The following ABCA9 variants were observed in gnomAD, a reference collection of about 807,000 sequenced individuals.
ABCA9 encodes the protein ATP-binding cassette sub-family A member 9.
A neutral mutation model predicts 205.3 loss-of-function variants in ABCA9; 183 were observed. The ratio of observed to expected loss-of-function variants is 0.89; its 90% CI spans 0.79 to 1.01. The LOEUF (loss-of-function observed/expected upper bound fraction) is 1.01. Ranked by LOEUF, ABCA9 falls within the 50% of genes least tolerant of loss-of-function variation. The pLI is 0.00. For missense variants in ABCA9, 1,805 were observed against 1,912.4 expected (o/e 0.94, Z 1.05); for synonymous variants, 651 against 683.3 (o/e 0.95, Z 0.74).
Position 69,045,269 on chromosome 17 carries a change from G to A in ABCA9, c.372C>T (p.Asp124=), listed in dbSNP as rs141903821. The change falls in exon 4 of 39, where the codon GAC becomes GAT. Residue 124 remains aspartate, a synonymous_variant. Transcript: ENST00000340001. ...TATCAGTAAAGATGACTCTCACTGC[G>A]TCTATTGAATAGTTCAAATCCAATT... The part of the protein sequence containing the change: ...MDELDLNYSI[D]AVRVIFTDTF... The A allele has an allele frequency of 3.6e-4, 588 of 1,612,758 alleles. 2 individuals are homozygous for A. The African/African-American group carries it at 5.7e-3, about 16-fold the overall frequency.
At chr17:68,990,206 A>G (rs1217677771) in intron 29 of ABCA9, among the ~76,000 whole-genome samples, 1 of 152,212 alleles carries the variant, frequency 6.6e-6, no homozygotes, top group Non-Finnish European at 1.5e-5. Flanking sequence ...ATAAACAATC[A>G]TGCACACAAA....
chr17:69,049,262 A>G (rs769997806), intron 3 of ABCA9, 21 bp downstream of exon 3: 41 of 1,553,474 alleles, frequency 2.6e-5, no homozygotes, highest in Non-Finnish European at 3.4e-5. Context: ...GGAAATTACT[A>G]TGAACAACCA....
intron 22 of ABCA9, 126 bp downstream of exon 22, chr17:69,016,121 TATACAC>T (rs774274563): frequency 6.0e-3 from 1,415 of 237,184 alleles, no homozygotes; most frequent in East Asian, 8.9e-3. Flanking sequence ...TATATATATA[TATACAC>T]ACACACACAC....
At chr17:69,055,944 A>G (rs1348777601) in intron 1 of ABCA9, among the ~76,000 whole-genome samples, 1 of 152,204 alleles carries the variant, frequency 6.6e-6, no homozygotes, top group Non-Finnish European at 1.5e-5. Flanking sequence ...CTAATGACAA[A>G]TTAAAACTTA....
intron 25 of ABCA9, among the ~76,000 whole-genome samples, chr17:69,000,727 AT>A: frequency 6.6e-6 from 1 of 151,538 alleles, no homozygotes; most frequent in Non-Finnish European, 1.5e-5. Context: ...CAGTATGGCC[AT>A]TTTCACAATA....
the ABCA9 span, among the ~76,000 whole-genome samples, chr17:69,072,137 G>A: frequency 6.6e-6 from 1 of 152,186 alleles, no homozygotes; most frequent in Non-Finnish European, 1.5e-5. Flanking sequence ...ACCTGAAAGT[G>A]ACGGGGAGAA....
chr17:68,988,907 CTTCTT>C, intron 31 of ABCA9, 115 bp downstream of exon 31: 1 of 602,528 alleles, frequency 1.7e-6, no homozygotes. Flanking sequence ...TTTAATCAAT[CTTCTT>C]TATTCAATGC....
intron 1 of ABCA9, among the ~76,000 whole-genome samples, chr17:69,053,914 G>C (rs1328668371): frequency 1.3e-5 from 2 of 151,782 alleles, no homozygotes; most frequent in Non-Finnish European, 2.9e-5. Flanking sequence ...CAAAGATAAA[G>C]AAAAAAATCT....
intron 17 of ABCA9, 70 bp downstream of exon 17, chr17:69,024,144 A>G: frequency 2.6e-6 from 4 of 1,533,756 alleles, no homozygotes; most frequent in Non-Finnish European, 3.6e-6. Flanking sequence ...ACTAGCCATC[A>G]TTCTTATCAC....
At chr17:69,069,546 C>T in the ABCA9 span, among the ~76,000 whole-genome samples, 3 of 151,860 alleles carry the variant, frequency 2.0e-5, no homozygotes, top group Admixed American at 6.6e-5. Flanking sequence ...TAATCAAACC[C>T]AGCTGGAATC....
intron 30 of ABCA9, among the ~76,000 whole-genome samples, chr17:68,989,611 G>A (rs1389047092): frequency 6.6e-6 from 1 of 152,110 alleles, no homozygotes; most frequent in Non-Finnish European, 1.5e-5. Flanking sequence ...CTGTTTGTTT[G>A]TGTTACAGAA....
At chr17:69,007,993 G>A in intron 24 of ABCA9, 69 bp downstream of exon 24, 1 of 1,496,094 alleles carries the variant, frequency 6.7e-7, no homozygotes, top group Admixed American at 1.9e-5. Context: ...TTTGGTTTAA[G>A]ATTAATGATA....
intron 2 of ABCA9, among the ~76,000 whole-genome samples, chr17:69,050,797 G>T (rs1020382598): frequency 2.6e-5 from 4 of 151,682 alleles, no homozygotes; most frequent in Non-Finnish European, 4.4e-5. Flanking sequence ...TTCTGAATAT[G>T]AATTTTTAAA....
rs143451144 is a variant in ABCA9 at position 68,993,826 on chromosome 17, C to T, written c.3556-742G>A. On this transcript the variant is annotated intron_variant, in intron 26 of 38. Coordinates refer to ENST00000340001, the MANE Select transcript of ABCA9 (RefSeq NM_080283.4). ...CAGTTGCCCACTTTCAATAATTGCA[C>T]CTCATCCAAACTGAACCTCTGGCTC... Among the ~76,000 whole-genome samples, 508 of 152,204 alleles carry T rather than the reference C, an allele frequency of 3.3e-3. 3 individuals are homozygous for T. The highest frequency in any genetic ancestry group is 0.012 in the African/African-American group (488 of 41,514).
chr17:69,057,471 C>T (rs957682902), intron 1 of ABCA9, among the ~76,000 whole-genome samples: 1 of 152,152 alleles, frequency 6.6e-6, no homozygotes, highest in African/African-American at 2.4e-5. Flanking sequence ...CACAGATCCA[C>T]CAGTCAGCCA....
In ABCA9 at chr17:69,035,689, T is replaced by G; in HGVS notation, c.913A>C (p.Thr305Pro). Residue 305 changes from threonine (T) to proline (P), a missense_variant, in exon 7 of 39, where the codon ACC becomes CCC. Coordinates refer to ENST00000340001, the MANE Select transcript of ABCA9 (RefSeq NM_080283.4). ...VVLTGFVMVF[T>P]LFLLYGLSLI... is the part of the protein sequence containing the mutation. ...GACAGGCCATAGAGGAGAAAGAGGG[T>G]GAAGACCATCACAAAACCAGTCAGG... 3 of 1,597,760 alleles carry G rather than the reference T, an allele frequency of 1.9e-6. No homozygotes were observed. Among genetic ancestry groups the G allele is most frequent in the Non-Finnish European group, 2.6e-6 (3 of 1,166,610 alleles).
chr17:69,048,800 G>C (rs80269001), intron 3 of ABCA9, among the ~76,000 whole-genome samples: 1,740 of 152,122 alleles, frequency 0.011, 31 homozygotes, highest in African/African-American at 0.04. Flanking sequence ...GTTTCTCTTT[G>C]TTCTCTTCCT....
At chr17:69,009,090 C>T (rs1301578832) in intron 23 of ABCA9, among the ~76,000 whole-genome samples, 1 of 152,094 alleles carries the variant, frequency 6.6e-6, no homozygotes, top group East Asian at 1.9e-4. Flanking sequence ...TATATATTTA[C>T]AGAATGTATA....
At chr17:69,077,005 AT>A in the ABCA9 span, among the ~76,000 whole-genome samples, 2 of 151,726 alleles carry the variant, frequency 1.3e-5, no homozygotes, top group African/African-American at 4.8e-5. Context: ...TTGGGCCTCA[AT>A]TTTGTTAGTT....
Sources: gnomAD v4.1 joint callset for allele counts (sites outside exome capture counted in the v4.1 genomes callset) on GRCh38, gnomAD v4.1.1 for gene constraint, MANE v1.5 for transcripts, NCBI Gene and HGNC (gene_info 2026-07-23, HGNC 2026-07-21) for gene names.